Variants in TRAK2 observed in about 807,000 individuals in gnomAD.
TRAK2 encodes the protein trafficking kinesin-binding protein 2.
A neutral mutation model predicts 104.6 loss-of-function variants in TRAK2; 81 were observed. The ratio of observed to expected loss-of-function variants is 0.77; its 90% CI spans 0.65 to 0.93. The LOEUF (loss-of-function observed/expected upper bound fraction) is 0.93. TRAK2 is among the 40% of genes least tolerant of loss of function. The pLI, the probability that TRAK2 is intolerant of heterozygous loss-of-function variation, is 0.00. For synonymous variants in TRAK2, 406 were observed against 394.4 expected (o/e 1.03, Z -0.35); for missense variants, 1,002 against 1,089.0 (o/e 0.92, Z 1.12).
At chr2:201,411,006 T>C (rs1180452341) in intron 2 of TRAK2, 10 of 1,425,694 alleles carry the variant, frequency 7.0e-6, no homozygotes, top group African/African-American at 1.4e-5. Flanking sequence ...AAAGCCCATA[T>C]TGACATTTAG....
Position 201,420,536 on chromosome 2 carries a change from A to C in TRAK2, c.-29T>G, listed in dbSNP as rs1432550733. On this transcript the variant is annotated 5_prime_UTR_variant, in exon 2 of 16. Transcript: ENST00000332624. ...GGATCCTTTCTTGCTTTGGTTGAGAAGGACAGCTTTGGTATGAATCAGAGT... is the reference window on the plus strand; with the variant it reads ...GGATCCTTTCTTGCTTTGGTTGAGACGGACAGCTTTGGTATGAATCAGAGT... 1 of 1,575,336 alleles carries C rather than the reference A, an allele frequency of 6.3e-7. No homozygotes were observed. The highest frequency in any genetic ancestry group is 2.2e-5 in the East Asian group (1 of 44,726).
At chr2:201,383,714 T>C (rs186825195) in intron 15 of TRAK2, among the ~76,000 whole-genome samples, 5 of 152,330 alleles carry the variant, frequency 3.3e-5, no homozygotes, top group East Asian at 3.9e-4. Flanking sequence ...TTCTAGCAAA[T>C]TGCTGAACCT....
intron 1 of TRAK2, among the ~76,000 whole-genome samples, chr2:201,450,033 A>G (rs1306341939): frequency 1.3e-5 from 2 of 152,154 alleles, no homozygotes; most frequent in Non-Finnish European, 2.9e-5. Context: ...CATCATATGA[A>G]TAAGTGTGTA....
intron 15 of TRAK2, among the ~76,000 whole-genome samples, chr2:201,382,764 A>T (rs1951355512): frequency 6.6e-6 from 1 of 152,212 alleles, no homozygotes; most frequent in East Asian, 1.9e-4. Flanking sequence ...TATTTTATAG[A>T]CATGGTGGAT....
intron 1 of TRAK2, among the ~76,000 whole-genome samples, chr2:201,436,908 T>C (rs2125661079): frequency 6.6e-6 from 1 of 152,330 alleles, no homozygotes; most frequent in Non-Finnish European, 1.5e-5. Flanking sequence ...TGGAGTATTA[T>C]AAACACATAT....
chr2:201,396,716 C>A (rs988360856), intron 7 of TRAK2, among the ~76,000 whole-genome samples: 2 of 152,112 alleles, frequency 1.3e-5, no homozygotes, highest in East Asian at 3.8e-4. Context: ...TAACTGACGG[C>A]TACTAAGAGA....
chr2:201,388,622 T>C (rs917260061), intron 12 of TRAK2, among the ~76,000 whole-genome samples: 4 of 152,196 alleles, frequency 2.6e-5, no homozygotes, highest in African/African-American at 9.7e-5. Flanking sequence ...TATCTTATAA[T>C]TGATATCAAA....
chr2:201,398,295 A>C lies in TRAK2; in HGVS notation c.540T>G (p.Ile180Met). The change falls in exon 6 of 16, where the codon ATT becomes ATG. Residue 180 changes from isoleucine (I) to methionine (M), a missense_variant. Physicochemically the swap from Ile to Met is conservative, Grantham distance 10. Coordinates refer to ENST00000332624, the MANE Select transcript of TRAK2 (RefSeq NM_015049.3). The stretch of plus-strand genomic sequence containing the variant: ...AATCAGTTTCACTTTCTTCAGAAGC[A>C]ATGGAGACGATTCGAAGTAACTCAT... ...KKDELLRIVS[I>M]ASEESETDSS... The C allele has an allele frequency of 1.2e-6, 2 of 1,613,760 alleles. No individual in the cohort carries two copies. Among genetic ancestry groups the C allele is most frequent in the African/African-American group, 2.7e-5 (2 of 75,030 alleles).
At chr2:201,402,823 T>G (rs1286200459) in intron 3 of TRAK2, among the ~76,000 whole-genome samples, 1 of 152,176 alleles carries the variant, frequency 6.6e-6, no homozygotes, top group Non-Finnish European at 1.5e-5. Context: ...AAGTCCAGAT[T>G]CCGATTTAAT....
rs544484178 is a variant in TRAK2 at position 201,394,122 on chromosome 2, G to A, written c.975+676C>T. 5.3e-4 allele frequency among the ~76,000 whole-genome samples: 81 copies of A among 152,242 alleles called. 1 individual carries two copies. The highest frequency in any genetic ancestry group is 1.9e-3 in the African/African-American group (81 of 41,540). On this transcript the variant is annotated intron_variant, in intron 9 of 15. Coordinates refer to ENST00000332624, the MANE Select transcript of TRAK2 (RefSeq NM_015049.3). The stretch of plus-strand genomic sequence containing the variant: ...AAATAAAATTTTATGTAGATAGAAA[G>A]TAAGAGATTTTTTGCTTCTTCTCCT...
At chr2:201,411,052 G>C in intron 2 of TRAK2, 2 of 1,246,128 alleles carry the variant, frequency 1.6e-6, no homozygotes, top group Non-Finnish European at 2.4e-6. Flanking sequence ...TTATCAACTG[G>C]TGTAGAAAAC....
chr2:201,416,533 CA>C (rs1951693153), intron 2 of TRAK2, among the ~76,000 whole-genome samples: 1 of 152,024 alleles, frequency 6.6e-6, no homozygotes, highest in South Asian at 2.1e-4. Context: ...CTTCATTCAA[CA>C]AAAGAAATAA....
At chr2:201,410,081 A>C (rs1414505701) in intron 2 of TRAK2, among the ~76,000 whole-genome samples, 1 of 152,222 alleles carries the variant, frequency 6.6e-6, no homozygotes, top group Non-Finnish European at 1.5e-5. Flanking sequence ...GTGGATCACG[A>C]GGTCAGGAGA....
In TRAK2 at chr2:201,380,112, A is replaced by G. The variant is rs866915769; in HGVS notation, c.*431T>C. On this transcript the variant is annotated 3_prime_UTR_variant, in exon 16 of 16. Transcript: ENST00000332624. ...ACTGAGCTTACCCCACCAACCCCTC[A>G]GAACGGCTTTCTATAAGCAATAAAA... The G allele has an allele frequency of 5.0e-6, 1 of 198,284 alleles. No homozygotes were observed. The highest frequency in any genetic ancestry group is 2.3e-5 in the African/African-American group (1 of 43,006). The allele number at this position is 198,284 out of a possible 1,614,324, so 12.3% of individuals were successfully genotyped here.
intron 9 of TRAK2, among the ~76,000 whole-genome samples, 177 bp downstream of exon 9, chr2:201,394,621 G>A (rs896941725): frequency 1.3e-5 from 2 of 152,136 alleles, no homozygotes; most frequent in East Asian, 1.9e-4. Flanking sequence ...GATTACAGGC[G>A]TGAGCCACCA....
At chr2:201,385,551 C>T (rs1487295252) in intron 14 of TRAK2, among the ~76,000 whole-genome samples, 4 of 152,078 alleles carry the variant, frequency 2.6e-5, no homozygotes, top group Non-Finnish European at 2.9e-5. Context: ...TTGCTACAAA[C>T]GTTCAAGAAA....
chr2:201,412,107 CAT>C, intron 2 of TRAK2: 1 of 1,078,756 alleles, frequency 9.3e-7, no homozygotes, highest in Non-Finnish European at 1.4e-6. Context: ...ATTAATGTGA[CAT>C]ATTCTTCTTT....
At chr2:201,386,124 C>G in intron 14 of TRAK2, 94 bp downstream of exon 14, 1 of 1,345,778 alleles carries the variant, frequency 7.4e-7, no homozygotes, top group East Asian at 2.3e-5. Context: ...TAAGTACCCT[C>G]CAGTGAGCAG....
rs1951391010 is a variant in TRAK2, at chr2:201,386,372, A to G, written c.1809T>C (p.Ala603=). 19 of 1,614,182 alleles carry G rather than the reference A, an allele frequency of 1.2e-5. No homozygotes were observed. The highest frequency in any genetic ancestry group is 1.6e-5 in the Non-Finnish European group (19 of 1,180,020). Residue 603 remains alanine (A), a synonymous_variant, in exon 14 of 16, where the codon GCT becomes GCC. Coordinates refer to ENST00000332624, the MANE Select transcript of TRAK2 (RefSeq NM_015049.3). ...TKGFTQLPGD[A]IYHISDLEED... ...CTTCTAAATCTGAGATGTGATAAAT[A>G]GCATCCCCGGGCAACTGGGTAAAGC...
Sources: allele counts gnomAD v4.1 joint callset (sites outside exome capture counted in the v4.1 genomes callset), GRCh38; gene constraint gnomAD v4.1.1; transcripts MANE v1.5; gene names NCBI Gene and HGNC (gene_info 2026-07-23, HGNC 2026-07-21).